Variants in KCNT2 observed in about 807,000 individuals in gnomAD.
KCNT2 encodes the protein potassium sodium-activated channel subfamily T member 2.
KCNT2 carries 67 observed loss-of-function variants against 153.8 expected under a neutral mutation model. The observed-to-expected ratio is 0.44, with a 90% CI of 0.36 to 0.53. The LOEUF is 0.53. Ranked by LOEUF, KCNT2 falls within the 20% of genes least tolerant of loss-of-function variation. The pLI, the probability that KCNT2 is intolerant of heterozygous loss-of-function variation, is 0.00. For synonymous variants in KCNT2, 500 were observed against 458.8 expected, an observed-to-expected ratio of 1.09 and a Z score of -1.15; for missense variants, 975 against 1,354.8, an observed-to-expected ratio of 0.72 and a Z score of 4.40.
At chr1:196,390,908 T>TTC (rs1553310686) in intron 13 of KCNT2, among the ~76,000 whole-genome samples, 1 of 142,868 alleles carries the variant, frequency 7.0e-6, no homozygotes, top group East Asian at 2.0e-4. Flanking sequence ...TTTTTTTTTT[T>TTC]AAAAAAAAAC....
intron 21 of KCNT2, among the ~76,000 whole-genome samples, chr1:196,312,259 GATT>G (rs1662256653): frequency 6.6e-6 from 1 of 151,654 alleles, no homozygotes; most frequent in Non-Finnish European, 1.5e-5. Context: ...AATTGCTTAG[GATT>G]CAAGGAGTCT....
At chr1:196,450,170 T>C (rs1449853231) in intron 8 of KCNT2, among the ~76,000 whole-genome samples, 7 of 152,030 alleles carry the variant, frequency 4.6e-5, no homozygotes, top group African/African-American at 1.4e-4. Flanking sequence ...GTGTTTTAGA[T>C]ACCATAGGTG....
chr1:196,435,121 T>A (rs1274434055), intron 8 of KCNT2, among the ~76,000 whole-genome samples: 1 of 100,518 alleles, frequency 9.9e-6, no homozygotes, highest in Non-Finnish European at 2.0e-5. Flanking sequence ...CAATAGATAC[T>A]TATGTGTGTG....
intron 13 of KCNT2, among the ~76,000 whole-genome samples, chr1:196,386,877 C>T (rs147114343): frequency 8.6e-5 from 13 of 151,918 alleles, no homozygotes; most frequent in African/African-American, 2.9e-4. Flanking sequence ...TAAGTGAGAT[C>T]GATCATGGGT....
chr1:196,569,073 G>C (rs988781119), intron 1 of KCNT2, among the ~76,000 whole-genome samples: 1 of 151,888 alleles, frequency 6.6e-6, no homozygotes, highest in Non-Finnish European at 1.5e-5. Flanking sequence ...TCCTTTTCTT[G>C]ATATCTTAAA....
At chr1:196,412,849 C>T (rs1672453519) in intron 12 of KCNT2, among the ~76,000 whole-genome samples, 1 of 151,656 alleles carries the variant, frequency 6.6e-6, no homozygotes, top group Admixed American at 6.6e-5. Flanking sequence ...GGCAGACATC[C>T]TCATTTTGTT....
intron 14 of KCNT2, among the ~76,000 whole-genome samples, chr1:196,372,735 C>T (rs1668641574): frequency 6.6e-6 from 1 of 151,880 alleles, no homozygotes; most frequent in South Asian, 2.1e-4. Flanking sequence ...TCAGATAAAA[C>T]TTACCTCAGG....
intron 1 of KCNT2, among the ~76,000 whole-genome samples, chr1:196,579,539 G>T (rs1234209844): frequency 1.3e-5 from 2 of 151,938 alleles, no homozygotes; most frequent in African/African-American, 4.8e-5. Flanking sequence ...TGTCACCCAG[G>T]TTGGAGTGTA....
intron 11 of KCNT2, among the ~76,000 whole-genome samples, chr1:196,423,910 T>C (rs971308189): frequency 1.3e-5 from 2 of 151,912 alleles, no homozygotes; most frequent in East Asian, 1.9e-4. Flanking sequence ...AACTAACCTA[T>C]GAAACTTGTT....
At chr1:196,337,336 T>A (rs180858731) in intron 16 of KCNT2, among the ~76,000 whole-genome samples, 1 of 152,130 alleles carries the variant, frequency 6.6e-6, no homozygotes, top group Non-Finnish European at 1.5e-5. Flanking sequence ...TTCTCCTTCT[T>A]ACCACTTCCA....
intron 1 of KCNT2, among the ~76,000 whole-genome samples, chr1:196,513,399 C>T (rs1012522401): frequency 1.3e-5 from 2 of 152,142 alleles, no homozygotes; most frequent in African/African-American, 4.8e-5. Flanking sequence ...ACAGAAACTC[C>T]CAAATAACCT....
At chr1:196,446,562 A>G (rs559798265) in intron 8 of KCNT2, among the ~76,000 whole-genome samples, 1 of 151,588 alleles carries the variant, frequency 6.6e-6, no homozygotes, top group Admixed American at 6.6e-5. Context: ...GAAATACAAT[A>G]AAGCTTTTCA....
At chr1:196,240,416 A>C (rs1203468237) in intron 26 of KCNT2, among the ~76,000 whole-genome samples, 1 of 152,028 alleles carries the variant, frequency 6.6e-6, no homozygotes, top group Non-Finnish European at 1.5e-5. Context: ...TAAAAATAAT[A>C]TGTTCACATT....
At chr1:196,599,650 A>C (rs1203846287) in intron 1 of KCNT2, among the ~76,000 whole-genome samples, 3 of 152,202 alleles carry the variant, frequency 2.0e-5, no homozygotes, top group Non-Finnish European at 2.9e-5. Context: ...GAAAGAGGTC[A>C]AAGAGTTGGA....
chr1:196,229,933 T>A (rs1274654103), intron 27 of KCNT2, among the ~76,000 whole-genome samples: 3 of 152,058 alleles, frequency 2.0e-5, no homozygotes, highest in African/African-American at 7.2e-5. Context: ...CTCATGAAGC[T>A]TAAGGAAATG....
chr1:196,590,681 A>C (rs1663235599), intron 1 of KCNT2, among the ~76,000 whole-genome samples: 1 of 152,172 alleles, frequency 6.6e-6, no homozygotes, highest in Non-Finnish European at 1.5e-5. Context: ...CTACTTTAAA[A>C]TTTTAAGTAA....
At chr1:196,458,140 G>T (rs1002178423) in intron 8 of KCNT2, among the ~76,000 whole-genome samples, 8 of 151,694 alleles carry the variant, frequency 5.3e-5, no homozygotes, top group African/African-American at 1.7e-4. Context: ...AAATATATAG[G>T]TGTATAATAT....
intron 18 of KCNT2, among the ~76,000 whole-genome samples, chr1:196,330,618 C>G (rs552855583): frequency 6.6e-6 from 1 of 152,012 alleles, no homozygotes; most frequent in South Asian, 2.1e-4. Flanking sequence ...GATAAAAACT[C>G]TAGCATTCTT....
intron 25 of KCNT2, among the ~76,000 whole-genome samples, chr1:196,275,232 G>A (rs558776717): frequency 1.3e-4 from 19 of 151,694 alleles, no homozygotes; most frequent in Non-Finnish European, 1.8e-4. Flanking sequence ...TATGTTGTTC[G>A]AACCAGGAGT....
Sources: gnomAD v4.1 joint callset for allele counts (sites outside exome capture counted in the v4.1 genomes callset) on GRCh38, gnomAD v4.1.1 for gene constraint, MANE v1.5 for transcripts, NCBI Gene and HGNC (gene_info 2026-07-23, HGNC 2026-07-21) for gene names.